SSBP3: variants seen among roughly 807,000 people sequenced by gnomAD.
SSBP3 encodes single stranded DNA binding protein 3.
SSBP3 carries 5 observed loss-of-function variants against 69.6 expected under a neutral mutation model. That is an observed-to-expected ratio of 0.07 (90% confidence interval 0.04 to 0.15). The LOEUF is 0.15. SSBP3 is among the 10% of genes least tolerant of loss of function. The pLI, the probability that SSBP3 is intolerant of heterozygous loss-of-function variation, is 1.00. For missense variants in SSBP3, 312 were observed against 534.0 expected (o/e 0.58, Z 4.10); for synonymous variants, 196 against 193.4 (o/e 1.01, Z -0.11).
At chr1:54,237,846 C>G in intron 14 of SSBP3, 1 of 320,426 alleles carries the variant, frequency 3.1e-6, no homozygotes, top group Non-Finnish European at 6.2e-6. Flanking sequence ...TGCGGAGTTG[C>G]AGCCTGAGTG....
intron 13 of SSBP3, among the ~76,000 whole-genome samples, chr1:54,240,091 C>CGCGTGTGCGTGTGT (rs1644592662): frequency 3.0e-5 from 1 of 33,836 alleles, no homozygotes; most frequent in Admixed American, 3.1e-4. Flanking sequence ...TGTGTGTGCG[C>CGCGTGTGCGTGTGT]GCGCGCGCGT....
At chr1:54,275,627 C>T (rs1242561757) in intron 5 of SSBP3, among the ~76,000 whole-genome samples, 1 of 152,238 alleles carries the variant, frequency 6.6e-6, no homozygotes. Context: ...CCAAGGCTCT[C>T]CACTGGGCAT....
At chr1:54,364,370 A>G (rs1393047371) in intron 4 of SSBP3, among the ~76,000 whole-genome samples, 3 of 152,204 alleles carry the variant, frequency 2.0e-5, no homozygotes, top group Non-Finnish European at 4.4e-5. Context: ...GAATAAAGAC[A>G]GCTAGTTCAG....
chr1:54,306,312 C>T (rs140209053), intron 4 of SSBP3, among the ~76,000 whole-genome samples: 96 of 152,356 alleles, frequency 6.3e-4, no homozygotes, highest in African/African-American at 2.3e-3. Flanking sequence ...AGGCTGGTGT[C>T]AGCCGTGTGT....
At position 54,406,413 on chromosome 1, in the gene SSBP3, C is replaced by G. The variant is rs967414194; in HGVS notation, c.-405G>C. ...CTGGTCTACTTGGAGCTCAACCGAACGTGGCTACCCGGGCGAGGGAGCGAG... is the reference window on the plus strand; with the variant it reads ...CTGGTCTACTTGGAGCTCAACCGAAGGTGGCTACCCGGGCGAGGGAGCGAG... On this transcript the variant is annotated 5_prime_UTR_variant, in exon 1 of 18. Coordinates refer to ENST00000610401, the Ensembl canonical transcript of SSBP3. 1 of 153,884 alleles carries G rather than the reference C, an allele frequency of 6.5e-6. No individual in the cohort carries two copies. Among genetic ancestry groups the G allele is most frequent in the African/African-American group, 2.4e-5 (1 of 41,268 alleles). The allele number at this position is 153,884 out of a possible 1,614,324, so 9.5% of individuals were successfully genotyped here. A position where few individuals can be genotyped will look rare whatever the true frequency, so the allele number is the denominator to read the frequency against.
At chr1:54,385,681 C>T (rs1356313666) in intron 4 of SSBP3, among the ~76,000 whole-genome samples, 1 of 152,362 alleles carries the variant, frequency 6.6e-6, no homozygotes, top group East Asian at 1.9e-4. Flanking sequence ...CAGATACCTT[C>T]CTTTCAGCCT....
intron 13 of SSBP3, among the ~76,000 whole-genome samples, chr1:54,240,047 G>GGGGTGTGTGTGTGTGT (rs759078115): frequency 2.6e-5 from 2 of 77,788 alleles, no homozygotes; most frequent in Non-Finnish European, 5.3e-5. Context: ...ATTGTGATGG[G>GGGGTGTGTGTGTGTGT]GTGTGTGTGT....
intron 4 of SSBP3, among the ~76,000 whole-genome samples, chr1:54,306,227 G>A (rs924953196): frequency 6.6e-6 from 1 of 152,108 alleles, no homozygotes; most frequent in Non-Finnish European, 1.5e-5. Flanking sequence ...CCCAAGGAGT[G>A]AGTGGATATT....
chr1:54,296,080 G>A (rs551620520), intron 4 of SSBP3, among the ~76,000 whole-genome samples: 4 of 152,228 alleles, frequency 2.6e-5, no homozygotes, highest in Admixed American at 6.5e-5. Context: ...GACAAAGCTA[G>A]GCCTGGTTCT....
In SSBP3 at chr1:54,240,888, C is replaced by A. The variant is rs1644624414; in HGVS notation, c.856+17G>T. ...CTCCACCACCAGACCCCCCACTTTCCCCTCAAGCGCTCTTACCTGCGGGAC... is the reference window on the plus strand; with the variant it reads ...CTCCACCACCAGACCCCCCACTTTCACCTCAAGCGCTCTTACCTGCGGGAC... On this transcript the variant is annotated intron_variant, in intron 13 of 17. Coordinates refer to ENST00000610401, the Ensembl canonical transcript of SSBP3. The A allele has an allele frequency of 6.2e-7, 1 of 1,613,012 alleles. No individual in the cohort carries two copies. The highest frequency in any genetic ancestry group is 8.5e-7 in the Non-Finnish European group (1 of 1,179,320).
chr1:54,409,028 C>A (rs1649921679), upstream of SSBP3, among the ~76,000 whole-genome samples: 1 of 152,108 alleles, frequency 6.6e-6, no homozygotes. Flanking sequence ...ACTCAGCAGC[C>A]CTAAGTAGGT....
Position 54,404,790 on chromosome 1 carries a change from C to A in SSBP3, c.129+68G>T, listed in dbSNP as rs868239813. 3.4e-4 allele frequency: 386 copies of A among 1,128,270 alleles called. 2 individuals are homozygous for A. The African/African-American group carries it at 6.2e-3, about 18-fold the overall frequency. 69.9% of individuals were successfully genotyped at this position (1,128,270 alleles called of 1,614,324 possible). On this transcript the variant is annotated intron_variant, in intron 2 of 17. Coordinates refer to ENST00000610401, the Ensembl canonical transcript of SSBP3. ...TGGCCACAGTGGCTGCTCCTGAAAACAAAGGCTCTAAGAATAGTGGGGGGG... is the reference window on the plus strand; with the variant it reads ...TGGCCACAGTGGCTGCTCCTGAAAAAAAAGGCTCTAAGAATAGTGGGGGGG...
intron 4 of SSBP3, among the ~76,000 whole-genome samples, chr1:54,329,745 GC>G (rs1422861165): frequency 9.9e-5 from 15 of 152,224 alleles, no homozygotes; most frequent in African/African-American, 3.6e-4. Context: ...GAATCTGGAT[GC>G]CATGGCAGCA....
At chr1:54,272,916 C>T (rs2100828778) in intron 5 of SSBP3, among the ~76,000 whole-genome samples, 1 of 152,202 alleles carries the variant, frequency 6.6e-6, no homozygotes, top group East Asian at 1.9e-4. Flanking sequence ...GTGAGGGCTT[C>T]GCCAGGAGCA....
At chr1:54,303,168 G>C (rs1645834300) in intron 4 of SSBP3, among the ~76,000 whole-genome samples, 1 of 152,350 alleles carries the variant, frequency 6.6e-6, no homozygotes, top group African/African-American at 2.4e-5. Flanking sequence ...ATGGGGTGCT[G>C]GTGCTGCCAC....
At chr1:54,403,773 C>A (rs1230408111) in intron 3 of SSBP3, among the ~76,000 whole-genome samples, 1 of 152,142 alleles carries the variant, frequency 6.6e-6, no homozygotes, top group African/African-American at 2.4e-5. Flanking sequence ...TCAAAGACTC[C>A]ACCAGTCAGT....
Position 54,354,769 on chromosome 1 carries a change from C to T in SSBP3, c.276+47092G>A, listed in dbSNP as rs12145704. On this transcript the variant is annotated intron_variant, in intron 4 of 17. Transcript: ENST00000610401. Reference sequence around the variant, plus strand: ...CAAGAAACCCAGGAAGCCAACCAATCGGAGATCCCTGTGAACCTGGGCCTA... The same window carrying T: ...CAAGAAACCCAGGAAGCCAACCAATTGGAGATCCCTGTGAACCTGGGCCTA... 2.5e-3 allele frequency among the ~76,000 whole-genome samples: 374 copies of T among 152,278 alleles called. 1 individual carries two copies. Among genetic ancestry groups the T allele is most frequent in the Non-Finnish European group, 3.9e-3 (263 of 68,016 alleles).
At chr1:54,300,638 A>G (rs1645784787) in intron 4 of SSBP3, among the ~76,000 whole-genome samples, 2 of 152,166 alleles carry the variant, frequency 1.3e-5, no homozygotes, top group South Asian at 2.1e-4. Flanking sequence ...CTGATCAGAC[A>G]CCATCTGTTA....
chr1:54,328,202 C>A (rs955344209), intron 4 of SSBP3, among the ~76,000 whole-genome samples: 2 of 152,032 alleles, frequency 1.3e-5, no homozygotes, highest in South Asian at 4.2e-4. Flanking sequence ...GGGCCCGCAG[C>A]GAACAATGAG....
Sources: allele counts gnomAD v4.1 joint callset (sites outside exome capture counted in the v4.1 genomes callset), GRCh38; gene constraint gnomAD v4.1.1; transcripts MANE v1.5; gene names NCBI Gene and HGNC (gene_info 2026-07-23, HGNC 2026-07-21).